The following PIGS variants were observed in gnomAD, a reference collection of about 807,000 sequenced individuals.
PIGS encodes phosphatidylinositol glycan anchor biosynthesis class S, also known as GPI-anchor transamidase component PIGS.
PIGS carries 37 observed loss-of-function variants against 58.2 expected under a neutral mutation model. The ratio of observed to expected loss-of-function variants is 0.64; its 90% CI spans 0.49 to 0.84. PIGS has a LOEUF of 0.84. PIGS is among the 40% of genes least tolerant of loss of function. The probability of loss-of-function intolerance (pLI) is 0.00; values close to 1 mark genes in which losing one functional copy is unlikely to be tolerated. For missense variants in PIGS, 629 were observed against 710.8 expected, an observed-to-expected ratio of 0.88 and a Z score of 1.31; for synonymous variants, 269 against 289.2, an observed-to-expected ratio of 0.93 and a Z score of 0.71.
chr17:28,559,595 G>GGAGGCT (rs2070350267), intron 7 of PIGS, among the ~76,000 whole-genome samples: 1 of 151,712 alleles, frequency 6.6e-6, no homozygotes, highest in African/African-American at 2.4e-5. Context: ...CAGCTACTCA[G>GGAGGCT]GAGGCTGAGT....
chr17:28,557,034 C>A, intron 8 of PIGS, 62 bp from the exon 9 acceptor site: 2 of 1,590,342 alleles, frequency 1.3e-6, no homozygotes, highest in Admixed American at 1.7e-5. Flanking sequence ...AGTCCCAGGT[C>A]GGCCTCTAAC....
chr17:28,571,018 G>T, intron 2 of PIGS, 31 bp downstream of exon 2: 4 of 1,614,116 alleles, frequency 2.5e-6, no homozygotes, highest in Non-Finnish European at 3.4e-6. Flanking sequence ...CGGGGGGGCT[G>T]TCCCCCGACC....
intron 9 of PIGS, 23 bp downstream of exon 9, chr17:28,556,804 G>A (rs767424656): frequency 1.9e-6 from 3 of 1,609,524 alleles, no homozygotes; most frequent in Middle Eastern, 1.7e-4. Context: ...TGGGCTCTGG[G>A]GTCTGCGTAG....
intron 2 of PIGS, 21 bp downstream of exon 2, chr17:28,571,028 C>G (rs1471454349): frequency 6.2e-7 from 1 of 1,614,136 alleles, no homozygotes; most frequent in Non-Finnish European, 8.5e-7. Flanking sequence ...GTCCCCCGAC[C>G]CTCCCGCACA....
In PIGS at chr17:28,556,223, G is replaced by A; in HGVS notation, c.1124C>T (p.Pro375Leu). ...DSKTYNASVL[P>L]VRVEVDMVRV... is the part of the protein sequence containing the mutation. ...CACCATGTCCACCTCGACTCTCACT[G>A]GCAGCACTGAGGCATTATAGGTTTT... The change falls in exon 10 of 12, where the codon CCA becomes CTA. Residue 375 changes from proline to leucine, a missense_variant. Transcript: ENST00000308360. 2 of 1,613,966 alleles carry A rather than the reference G, an allele frequency of 1.2e-6. No homozygotes were observed. The highest frequency in any genetic ancestry group is 3.3e-5 in the Admixed American group (2 of 60,020).
At chr17:28,560,318 AAGG>A (rs1405043301) in intron 6 of PIGS, 127 bp from the exon 7 acceptor site, 2 of 1,180,396 alleles carry the variant, frequency 1.7e-6, no homozygotes, top group East Asian at 2.6e-5. Context: ...ATGGAACCAA[AAGG>A]AGGACAAAAC....
intron 3 of PIGS, among the ~76,000 whole-genome samples, chr17:28,565,814 G>A (rs111706698): frequency 2.0e-5 from 3 of 152,138 alleles, no homozygotes; most frequent in Non-Finnish European, 4.4e-5. Flanking sequence ...CGGACTGCTC[G>A]AGGCCAGGAG....
chr17:28,557,236 C>T, intron 8 of PIGS: 1 of 438,884 alleles, frequency 2.3e-6, no homozygotes, highest in African/African-American at 2.1e-5. Flanking sequence ...TCTACGACAG[C>T]TTTCTTGGCC....
At chr17:28,559,823 A>G (rs368351298) in intron 7 of PIGS, among the ~76,000 whole-genome samples, 2 of 152,112 alleles carry the variant, frequency 1.3e-5, no homozygotes, top group African/African-American at 4.8e-5. Context: ...AACTCTCTCA[A>G]TAGGATGCCA....
In PIGS at chr17:28,563,467, C is replaced by T; in HGVS notation, c.432G>A (p.Val144=). ...GTGAGGAGTGTTCAGATATCACGTA[C>T]ACAGTCAGGGAGCCCTCCGCTTGTT... ...PQEQAEGSLT[V]YVISEHSSLL... is the part of the protein sequence containing the mutation. The change falls in exon 5 of 12, where the codon GTG becomes GTA. Residue 144 remains valine (V), a synonymous_variant. Transcript: ENST00000308360. 1 of 1,614,130 alleles carries T rather than the reference C, an allele frequency of 6.2e-7. No individual in the cohort carries two copies. The highest frequency in any genetic ancestry group is 8.5e-7 in the Non-Finnish European group (1 of 1,180,024).
chr17:28,569,030 G>A (rs1159700219), intron 3 of PIGS, among the ~76,000 whole-genome samples: 1 of 150,624 alleles, frequency 6.6e-6, no homozygotes, highest in Non-Finnish European at 1.5e-5. Context: ...CCAGGAGGCA[G>A]AGGTTGCAGT....
At position 28,556,192 on chromosome 17, in the gene PIGS, C is replaced by A. The variant is rs2070326433; in HGVS notation, c.1155G>T (p.Val385=). ...GCAACTGTGCCAGGAACACCTCCAT[C>A]ACTCGCACCATGTCCACCTCGACTC... ...PVRVEVDMVR[V]MEVFLAQLRL... The change falls in exon 10 of 12, where the codon GTG becomes GTT. Residue 385 remains valine, a synonymous_variant. Coordinates refer to ENST00000308360, the MANE Select transcript of PIGS (RefSeq NM_033198.4). The A allele has an allele frequency of 6.2e-7, 1 of 1,613,834 alleles. No individual in the cohort carries two copies. The highest frequency in any genetic ancestry group is 1.3e-5 in the African/African-American group (1 of 74,894).
At chr17:28,555,169 C>A in intron 10 of PIGS, 108 bp from the exon 11 acceptor site, 1 of 1,150,324 alleles carries the variant, frequency 8.7e-7, no homozygotes, top group South Asian at 1.5e-5. Context: ...CAATCTTACC[C>A]AGAACCATAG....
chr17:28,565,597 G>C (rs1177872326), intron 3 of PIGS, among the ~76,000 whole-genome samples: 2 of 152,174 alleles, frequency 1.3e-5, no homozygotes, highest in Non-Finnish European at 2.9e-5. Flanking sequence ...AATTGTAAAA[G>C]TCACTAATTT....
At position 28,570,948 on chromosome 17, in the gene PIGS, G is replaced by T; in HGVS notation, c.190C>A (p.Pro64Thr). ...LNALQLRLMVPVTVVFTRESV... is the reference protein window; with the variant it reads ...LNALQLRLMVTVTVVFTRESV... ...TCCCGCGTAAACACGACAGTGACAGGCACCATGAGGCGGAGCTACAGGAAG... is the reference window on the plus strand; with the variant it reads ...TCCCGCGTAAACACGACAGTGACAGTCACCATGAGGCGGAGCTACAGGAAG... The change falls in exon 3 of 12, where the codon CCT becomes ACT. Residue 64 changes from proline to threonine, a missense_variant. By Grantham distance (38) the Pro-to-Thr change is conservative. Coordinates refer to ENST00000308360, the MANE Select transcript of PIGS (RefSeq NM_033198.4). The T allele has an allele frequency of 6.2e-7, 1 of 1,614,220 alleles. No individual in the cohort carries two copies. Among genetic ancestry groups the T allele is most frequent in the Non-Finnish European group, 8.5e-7 (1 of 1,180,036 alleles).
At chr17:28,563,122 G>A (rs1450864710) in intron 5 of PIGS, among the ~76,000 whole-genome samples, 2 of 152,030 alleles carry the variant, frequency 1.3e-5, no homozygotes, top group Non-Finnish European at 2.9e-5. Flanking sequence ...CCTGACCAAC[G>A]TGGTGAAACC....
chr17:28,561,505 T>A lies in PIGS; in HGVS notation c.593A>T (p.Asp198Val), dbSNP rs1169637595. The A allele has an allele frequency of 6.2e-7, 1 of 1,613,988 alleles. No individual in the cohort carries two copies. Among genetic ancestry groups the A allele is most frequent in the African/African-American group, 1.3e-5 (1 of 74,934 alleles). ...GTCAGCCAGAGCAGCAGCAAGCACA[T>A]CCTCAGTCAAAGACATGGCCTGGGC... is the stretch of plus-strand genomic sequence containing the variant. ...QVAQAMSLTE[D>V]VLAAALADHL... is the part of the protein sequence containing the mutation. The change falls in exon 6 of 12, where the codon GAT (aspartate) becomes GTT (valine). Residue 198 changes from aspartate to valine, a missense_variant. Asp to Val is a radical substitution (Grantham distance 152). Transcript: ENST00000308360.
intron 5 of PIGS, chr17:28,561,914 C>T: frequency 3.0e-6 from 1 of 328,808 alleles, no homozygotes; most frequent in Non-Finnish European, 5.6e-6. Context: ...AGATGGCATG[C>T]TGAGCAAGAA....
rs540967119 is a variant in PIGS, at chr17:28,557,095, T to C, written c.935-123A>G. 50 of 1,038,254 alleles carry C rather than the reference T, an allele frequency of 4.8e-5. No individual in the cohort carries two copies. In the African/African-American group the frequency reaches 7.7e-4, roughly 16 times the overall value. 64.3% of individuals were successfully genotyped at this position (1,038,254 alleles called of 1,614,324 possible). On this transcript the variant is annotated intron_variant, in intron 8 of 11. Transcript: ENST00000308360. ...ATTCCCCAACTAACAATCATTAGGATATCCTCCTGTCCAGGGTGTCTCTAG... is the reference window on the plus strand; with the variant it reads ...ATTCCCCAACTAACAATCATTAGGACATCCTCCTGTCCAGGGTGTCTCTAG...
Sources: allele counts gnomAD v4.1 joint callset (sites outside exome capture counted in the v4.1 genomes callset), GRCh38; gene constraint gnomAD v4.1.1; transcripts MANE v1.5; gene names NCBI Gene and HGNC (gene_info 2026-07-23, HGNC 2026-07-21).